GPHN: variants seen among roughly 807,000 people sequenced by gnomAD.
GPHN encodes gephyrin.
In GPHN, 17 loss-of-function variants were observed where a neutral mutation model predicts 95.5. That is an observed-to-expected ratio of 0.18 (90% CI 0.12 to 0.27). The LOEUF is 0.27. Ranked by LOEUF, GPHN falls within the 10% of genes least tolerant of loss-of-function variation. The pLI, the probability that GPHN is intolerant of heterozygous loss-of-function variation, is 1.00. For synonymous variants in GPHN, 320 were observed against 322.5 expected (o/e 0.99, Z 0.08); for missense variants, 660 against 978.1 (o/e 0.67, Z 4.34).
At chr14:67,678,494 A>G in the GPHN span, 1 of 1,019,376 alleles carries the variant, frequency 9.8e-7, no homozygotes. Context: ...GGGATAAGGA[A>G]TATGACATAA....
At chr14:67,377,235 A>G in the GPHN span, among the ~76,000 whole-genome samples, 2 of 151,982 alleles carry the variant, frequency 1.3e-5, no homozygotes, top group Non-Finnish European at 2.9e-5. Flanking sequence ...CCTTCCATCC[A>G]TCCAGCCTTG....
At chr14:66,782,940 A>G (rs1207541272) in intron 3 of GPHN, among the ~76,000 whole-genome samples, 1 of 152,180 alleles carries the variant, frequency 6.6e-6, no homozygotes, top group Non-Finnish European at 1.5e-5. Context: ...GGAATTGAGA[A>G]ATGACATGGC....
chr14:67,539,381 G>A, the GPHN span, among the ~76,000 whole-genome samples: 4 of 152,208 alleles, frequency 2.6e-5, no homozygotes, highest in African/African-American at 9.6e-5. Context: ...TGACAGGGCT[G>A]GGAGAGCAGC....
At chr14:66,584,415 C>T (rs952426855) in intron 1 of GPHN, among the ~76,000 whole-genome samples, 3 of 152,110 alleles carry the variant, frequency 2.0e-5, no homozygotes, top group Non-Finnish European at 4.4e-5. Context: ...CCAGAACTTC[C>T]AACACTATGT....
At chr14:67,100,647 A>T (rs2077649460) in intron 12 of GPHN, among the ~76,000 whole-genome samples, 1 of 152,228 alleles carries the variant, frequency 6.6e-6, no homozygotes. Flanking sequence ...AATTAGGACC[A>T]CTTCTATCAG....
chr14:66,984,632 A>T lies in GPHN; in HGVS notation c.963+19307A>T, dbSNP rs563647831. 2.6e-5 allele frequency among the ~76,000 whole-genome samples: 4 copies of T among 152,282 alleles called. No homozygotes were observed. The South Asian group carries it at 8.3e-4, about 32-fold the overall frequency. On this transcript the variant is annotated intron_variant, in intron 9 of 22. Coordinates refer to ENST00000478722, the MANE Select transcript of GPHN (RefSeq NM_020806.5). ...ACAATATATATCCTGCTTCCAGGAA[A>T]TAAAATTTTATAGGATGTTCAGGTT... is the stretch of plus-strand genomic sequence containing the variant.
At chr14:67,467,884 A>G in the GPHN span, 1 of 152,210 alleles carries the variant, frequency 6.6e-6, no homozygotes, top group Non-Finnish European at 1.5e-5. Context: ...GGAAGAAATG[A>G]GAGCATGCAT....
chr14:66,690,579 C>G (rs1480031998), intron 2 of GPHN, among the ~76,000 whole-genome samples: 1 of 152,218 alleles, frequency 6.6e-6, no homozygotes, highest in Non-Finnish European at 1.5e-5. Context: ...TAAATGACCT[C>G]TGTCACATGT....
intron 16 of GPHN, among the ~76,000 whole-genome samples, chr14:67,114,614 C>G (rs1234023925): frequency 1.3e-5 from 2 of 152,098 alleles, no homozygotes; most frequent in African/African-American, 4.8e-5. Flanking sequence ...CACTTGAGCT[C>G]AAGAATTCAA....
the GPHN span, chr14:67,693,064 GA>G: frequency 6.3e-7 from 1 of 1,575,100 alleles, no homozygotes. Context: ...TGCAGACAGA[GA>G]AGGAGAGCTC....
chr14:67,335,317 C>CTAGT, the GPHN span: 1 of 152,186 alleles, frequency 6.6e-6, no homozygotes, highest in African/African-American at 2.4e-5. Flanking sequence ...TGCTGTACAC[C>CTAGT]TAGTTGTACA....
chr14:67,695,401 G>A, the GPHN span, among the ~76,000 whole-genome samples: 1 of 152,148 alleles, frequency 6.6e-6, no homozygotes, highest in Non-Finnish European at 1.5e-5. Context: ...AACAGGCCAG[G>A]GAAAAGCAGT....
intron 21 of GPHN, among the ~76,000 whole-genome samples, chr14:67,170,905 CCA>C (rs1398713124): frequency 5.9e-5 from 9 of 152,216 alleles, no homozygotes; most frequent in Admixed American, 1.3e-4. Context: ...CTTACACACA[CCA>C]CTTATTACTG....
the GPHN span, among the ~76,000 whole-genome samples, chr14:67,415,505 G>T: frequency 6.6e-6 from 1 of 151,928 alleles, no homozygotes; most frequent in African/African-American, 2.4e-5. Context: ...TAGGTTAAAG[G>T]GTGTAAATTT....
At chr14:67,211,529 C>T in the GPHN span, among the ~76,000 whole-genome samples, 5 of 151,998 alleles carry the variant, frequency 3.3e-5, no homozygotes, top group African/African-American at 9.7e-5. Context: ...TGACCATATT[C>T]GAATGTATGA....
the GPHN span, among the ~76,000 whole-genome samples, chr14:67,683,613 G>C: frequency 3.9e-5 from 6 of 152,214 alleles, no homozygotes; most frequent in African/African-American, 1.2e-4. Context: ...CTAATCAAAA[G>C]AGTAAAAATG....
At chr14:67,308,647 G>T in the GPHN span, among the ~76,000 whole-genome samples, 1 of 150,302 alleles carries the variant, frequency 6.7e-6, no homozygotes, top group Non-Finnish European at 1.5e-5. Context: ...CTGGGTTCAA[G>T]TGATTCTCCC....
intron 10 of GPHN, among the ~76,000 whole-genome samples, chr14:67,041,875 A>G (rs1382703904): frequency 6.6e-6 from 1 of 152,094 alleles, no homozygotes; most frequent in Non-Finnish European, 1.5e-5. Context: ...CCTCTCCAGC[A>G]TCTGTTGTTT....
At chr14:66,746,275 T>G (rs1268029176) in intron 2 of GPHN, among the ~76,000 whole-genome samples, 2 of 152,218 alleles carry the variant, frequency 1.3e-5, no homozygotes, top group African/African-American at 4.8e-5. Flanking sequence ...AACATCTGCA[T>G]CATTTCAGTA....
Sources: gnomAD v4.1 joint callset for allele counts (sites outside exome capture counted in the v4.1 genomes callset) on GRCh38, gnomAD v4.1.1 for gene constraint, MANE v1.5 for transcripts, NCBI Gene and HGNC (gene_info 2026-07-23, HGNC 2026-07-21) for gene names.